Variants in GRIK2 observed in about 807,000 individuals in gnomAD.
GRIK2 encodes glutamate ionotropic receptor kainate type subunit 2, also known as glutamate receptor ionotropic, kainate 2.
Under a neutral mutation model 100.3 loss-of-function variants are expected in GRIK2, and 32 were observed. That is an observed-to-expected ratio of 0.32 (90% CI 0.24 to 0.43). The LOEUF (loss-of-function observed/expected upper bound fraction) is 0.43. GRIK2 is among the 20% of genes least tolerant of loss of function. GRIK2 has a pLI of 1.00. For missense variants in GRIK2, 843 were observed against 1,114.9 expected, an observed-to-expected ratio of 0.76 and a Z score of 3.47; for synonymous variants, 417 against 389.4, an observed-to-expected ratio of 1.07 and a Z score of -0.83.
At chr6:101,523,944 A>G (rs1467655349) in intron 2 of GRIK2, among the ~76,000 whole-genome samples, 1 of 151,962 alleles carries the variant, frequency 6.6e-6, no homozygotes, top group Non-Finnish European at 1.5e-5. Flanking sequence ...CTGGCCTCGA[A>G]CCCCTGACCT....
chr6:102,067,774 G>A (rs1471581358), intron 16 of GRIK2, among the ~76,000 whole-genome samples: 1 of 151,794 alleles, frequency 6.6e-6, no homozygotes, highest in South Asian at 2.1e-4. Flanking sequence ...ATATTTGTTT[G>A]TAATCACTGT....
chr6:101,468,899 A>C (rs1771802061), intron 2 of GRIK2, among the ~76,000 whole-genome samples: 1 of 152,160 alleles, frequency 6.6e-6, no homozygotes, highest in Non-Finnish European at 1.5e-5. Context: ...TTGTCGTACC[A>C]ACACATATCA....
At chr6:101,722,434 A>T (rs1413137109) in intron 7 of GRIK2, among the ~76,000 whole-genome samples, 1 of 152,064 alleles carries the variant, frequency 6.6e-6, no homozygotes. Context: ...AATCTACATG[A>T]TCTAATTGTG....
intron 2 of GRIK2, among the ~76,000 whole-genome samples, chr6:101,473,097 TTTCCTTCCTTCCTTCCTTCC>T (rs202063345): frequency 0.24 from 31,438 of 133,240 alleles, 4,052 homozygotes; most frequent in East Asian, 0.46. Context: ...AATCCTAGGT[TTTCCTTCCTTCCTTCCTTCC>T]TTCCTTCCTT....
chr6:101,903,257 C>T (rs1787999778), intron 12 of GRIK2, among the ~76,000 whole-genome samples: 1 of 151,898 alleles, frequency 6.6e-6, no homozygotes, highest in African/African-American at 2.4e-5. Flanking sequence ...ACTGCCACTT[C>T]AGTTCTTTTG....
chr6:101,431,660 C>G (rs1769407240), intron 2 of GRIK2: 1 of 152,170 alleles, frequency 6.6e-6, no homozygotes, highest in Admixed American at 6.5e-5. Flanking sequence ...ACAAAGTTAA[C>G]TTATGGTATT....
chr6:101,816,420 G>A (rs2852575), intron 9 of GRIK2, among the ~76,000 whole-genome samples: 109 of 152,224 alleles, frequency 7.2e-4, no homozygotes, highest in Non-Finnish European at 1.4e-3. Context: ...AGTGGCTCAC[G>A]CCTGTAATCC....
At chr6:101,640,572 T>G (rs1248841963) in intron 4 of GRIK2, among the ~76,000 whole-genome samples, 1 of 152,162 alleles carries the variant, frequency 6.6e-6, no homozygotes, top group Non-Finnish European at 1.5e-5. Flanking sequence ...AATCTTGTTC[T>G]GTTAAATCAC....
intron 14 of GRIK2, among the ~76,000 whole-genome samples, chr6:102,012,832 C>G (rs561691201): frequency 6.6e-6 from 1 of 152,140 alleles, no homozygotes. Context: ...GTTTTGGTTA[C>G]TGTAGCCTTG....
At chr6:101,774,587 G>C (rs1244564710) in intron 7 of GRIK2, among the ~76,000 whole-genome samples, 1 of 152,018 alleles carries the variant, frequency 6.6e-6, no homozygotes. Flanking sequence ...ATATCTCAAT[G>C]GACTGATCTT....
At chr6:101,428,716 A>G (rs894549694) in intron 2 of GRIK2, among the ~76,000 whole-genome samples, 1 of 152,198 alleles carries the variant, frequency 6.6e-6, no homozygotes, top group Non-Finnish European at 1.5e-5. Context: ...ATAAAATCAT[A>G]GAGTTTAAAA....
intron 14 of GRIK2, among the ~76,000 whole-genome samples, chr6:102,007,166 A>G (rs1487439706): frequency 6.6e-6 from 1 of 152,122 alleles, no homozygotes; most frequent in African/African-American, 2.4e-5. Flanking sequence ...ATAACTCTAC[A>G]TGAAGTGTGG....
At chr6:101,691,668 A>G (rs1401949419) in intron 7 of GRIK2, among the ~76,000 whole-genome samples, 1 of 152,096 alleles carries the variant, frequency 6.6e-6, no homozygotes, top group African/African-American at 2.4e-5. Flanking sequence ...CATTCTTTTT[A>G]CAAAGGAAGA....
chr6:102,018,366 T>C (rs1184093180), intron 14 of GRIK2, among the ~76,000 whole-genome samples: 1 of 152,092 alleles, frequency 6.6e-6, no homozygotes, highest in Non-Finnish European at 1.5e-5. Context: ...TCGCCAAATA[T>C]GTTAGGCTCT....
chr6:102,058,601 T>C (rs1771589357), intron 16 of GRIK2, among the ~76,000 whole-genome samples: 1 of 151,622 alleles, frequency 6.6e-6, no homozygotes, highest in Non-Finnish European at 1.5e-5. Flanking sequence ...TCTATATGGC[T>C]GTTTAACACA....
At chr6:101,664,256 T>A (rs987664801) in intron 4 of GRIK2, among the ~76,000 whole-genome samples, 1 of 152,208 alleles carries the variant, frequency 6.6e-6, no homozygotes, top group Non-Finnish European at 1.5e-5. Context: ...TAAGCCCATG[T>A]GCAGCAGCTG....
At chr6:101,890,026 ACTGTC>A (rs1786939059) in intron 12 of GRIK2, 163 bp downstream of exon 12, 1 of 608,546 alleles carries the variant, frequency 1.6e-6, no homozygotes, top group Non-Finnish European at 2.9e-6. Flanking sequence ...ATTAAAATGT[ACTGTC>A]CTGTCTTTGT....
chr6:101,405,934 C>T (rs2128236803), intron 2 of GRIK2, among the ~76,000 whole-genome samples: 1 of 152,314 alleles, frequency 6.6e-6, no homozygotes, highest in Admixed American at 6.5e-5. Context: ...TTTTAAACTT[C>T]AGATTTGTAA....
chr6:101,526,184 GA>G (rs546999930), intron 2 of GRIK2, among the ~76,000 whole-genome samples: 1 of 152,006 alleles, frequency 6.6e-6, no homozygotes, highest in South Asian at 2.1e-4. Flanking sequence ...ATTCAGAAAA[GA>G]AAAAACCTTA....
Sources: gnomAD v4.1 joint callset for allele counts (sites outside exome capture counted in the v4.1 genomes callset) on GRCh38, gnomAD v4.1.1 for gene constraint, MANE v1.5 for transcripts, NCBI Gene and HGNC (gene_info 2026-07-23, HGNC 2026-07-21) for gene names.